RAC1: variants seen among roughly 807,000 people sequenced by gnomAD.
The protein encoded by RAC1 is Rac family small GTPase 1, also known as ras-related C3 botulinum toxin substrate 1.
RAC1 carries 2 observed loss-of-function variants against 25.2 expected under a neutral mutation model. The ratio of observed to expected loss-of-function variants is 0.08; its 90% CI spans 0.03 to 0.25. The LOEUF (loss-of-function observed/expected upper bound fraction) is 0.25, where lower values mean the gene tolerates loss of function less well. Among genes scored for constraint, RAC1 ranks in the 10% least tolerant of loss-of-function variants. RAC1 has a pLI of 1.00. For missense variants in RAC1, 50 were observed against 235.7 expected (o/e 0.21, Z 5.16); for synonymous variants, 88 against 94.0 (o/e 0.94, Z 0.37).
At chr7:6,379,418 T>G (rs866278) in intron 1 of RAC1, among the ~76,000 whole-genome samples, 93,291 of 151,544 alleles carry the variant, frequency 0.62, 30,518 homozygotes, top group East Asian at 0.91. Flanking sequence ...GGGATTACAG[T>G]CACGCTCCAC....
intron 2 of RAC1, among the ~76,000 whole-genome samples, chr7:6,389,638 C>T (rs988046661): frequency 2.0e-5 from 3 of 152,174 alleles, no homozygotes; most frequent in Non-Finnish European, 4.4e-5. Context: ...CAAGATTGTG[C>T]CTCTGCACTC....
chr7:6,394,479 C>T (rs1325820287), intron 3 of RAC1, among the ~76,000 whole-genome samples: 5 of 148,822 alleles, frequency 3.4e-5, no homozygotes, highest in African/African-American at 9.9e-5. Flanking sequence ...ATTTATTTGC[C>T]TGCTTGTACC....
At chr7:6,376,439 C>T (rs1484938000) in intron 1 of RAC1, among the ~76,000 whole-genome samples, 1 of 150,612 alleles carries the variant, frequency 6.6e-6, no homozygotes, top group Non-Finnish European at 1.5e-5. Context: ...CCGCCTGGGT[C>T]TCCCAGAGTG....
chr7:6,398,547 G>T, intron 3 of RAC1: 2 of 804,814 alleles, frequency 2.5e-6, no homozygotes, highest in Non-Finnish European at 4.1e-6. Context: ...GTATGCTTTT[G>T]GATCTCTCCG....
At chr7:6,398,091 C>T (rs148368014) in intron 3 of RAC1, among the ~76,000 whole-genome samples, 3 of 152,206 alleles carry the variant, frequency 2.0e-5, no homozygotes, top group African/African-American at 4.8e-5. Flanking sequence ...TAATGCAAGT[C>T]TGTACATTCA....
At chr7:6,384,449 G>A (rs1331120397) in intron 1 of RAC1, among the ~76,000 whole-genome samples, 1 of 152,170 alleles carries the variant, frequency 6.6e-6, no homozygotes, top group African/African-American at 2.4e-5. Flanking sequence ...TTAACAAGAA[G>A]AGGTAACGTA....
chr7:6,396,806 G>A (rs1027616538), intron 3 of RAC1, among the ~76,000 whole-genome samples: 5 of 152,076 alleles, frequency 3.3e-5, no homozygotes, highest in Admixed American at 6.5e-5. Context: ...CGAGGTGGGC[G>A]GATCACGAGG....
chr7:6,379,626 T>A (rs1782707966), intron 1 of RAC1, among the ~76,000 whole-genome samples: 1 of 152,214 alleles, frequency 6.6e-6, no homozygotes. Context: ...ACCAGGTTGG[T>A]TTCGAACTCC....
At chr7:6,391,729 T>G in intron 2 of RAC1, 195 bp from the exon 3 acceptor site, 1 of 627,582 alleles carries the variant, frequency 1.6e-6, no homozygotes, top group Non-Finnish European at 2.6e-6. Flanking sequence ...TCTCTTAAGT[T>G]TTGGGTTGGG....
chr7:6,386,405 G>C (rs903570302), intron 1 of RAC1, among the ~76,000 whole-genome samples: 1 of 152,112 alleles, frequency 6.6e-6, no homozygotes, highest in African/African-American at 2.4e-5. Flanking sequence ...GTAGGGATGT[G>C]GTGGGATTTT....
intron 3 of RAC1, among the ~76,000 whole-genome samples, chr7:6,398,335 G>A (rs1783304308): frequency 1.3e-5 from 2 of 152,152 alleles, no homozygotes; most frequent in South Asian, 2.1e-4. Context: ...TTGCGGTAAG[G>A]GACAGTGCAG....
At chr7:6,398,834 T>TCA (rs1280633925) in intron 3 of RAC1, 1 of 960,584 alleles carries the variant, frequency 1.0e-6, no homozygotes, top group African/African-American at 1.7e-5. Context: ...TATATTTAAT[T>TCA]CACTCAAGGT....
intron 2 of RAC1, among the ~76,000 whole-genome samples, chr7:6,390,740 C>A (rs1783070267): frequency 6.6e-6 from 1 of 151,834 alleles, no homozygotes; most frequent in Non-Finnish European, 1.5e-5. Context: ...AAATTTTTAT[C>A]TTTAATTCAT....
Position 6,402,329 on chromosome 7 carries a change from C to T in RAC1, c.462C>T (p.Tyr154=). 2 of 1,610,078 alleles carry T rather than the reference C, an allele frequency of 1.2e-6. No homozygotes were observed. The highest frequency in any genetic ancestry group is 1.7e-6 in the Non-Finnish European group (2 of 1,178,440). The change falls in exon 6 of 6, where the codon TAC becomes TAT. Residue 154 remains tyrosine, a synonymous_variant. Transcript: ENST00000348035. ...AMAKEIGAVK[Y]LECSALTQRG... ...TGTTTCCTGTAGGTGCTGTAAAATA[C>T]CTGGAGTGCTCGGCGCTCACACAGC...
At chr7:6,377,625 AC>A (rs1782645332) in intron 1 of RAC1, among the ~76,000 whole-genome samples, 1 of 151,882 alleles carries the variant, frequency 6.6e-6, no homozygotes, top group African/African-American at 2.4e-5. Flanking sequence ...TATTAGAGAT[AC>A]GTCTTTGGCC....
chr7:6,390,867 C>G (rs778246613), intron 2 of RAC1, among the ~76,000 whole-genome samples: 2 of 152,020 alleles, frequency 1.3e-5, no homozygotes, highest in Non-Finnish European at 2.9e-5. Flanking sequence ...ATATAATTAA[C>G]ATGTCCATCA....
chr7:6,392,302 C>T (rs702484), intron 3 of RAC1, among the ~76,000 whole-genome samples: 3 of 151,956 alleles, frequency 2.0e-5, no homozygotes, highest in Non-Finnish European at 2.9e-5. Flanking sequence ...TATGAAAGAG[C>T]TACTTTTTGT....
chr7:6,381,154 C>A (rs1048340002), intron 1 of RAC1, among the ~76,000 whole-genome samples: 4 of 152,218 alleles, frequency 2.6e-5, no homozygotes, highest in Admixed American at 6.6e-5. Flanking sequence ...AGGCGTCAGC[C>A]ACCATGCCCG....
chr7:6,376,980 C>G (rs999311277), intron 1 of RAC1, among the ~76,000 whole-genome samples: 1 of 151,924 alleles, frequency 6.6e-6, no homozygotes, highest in African/African-American at 2.4e-5. Flanking sequence ...CCCACCCCAC[C>G]GCTTACATGG....
Sources: gnomAD v4.1 joint callset for allele counts (sites outside exome capture counted in the v4.1 genomes callset) on GRCh38, gnomAD v4.1.1 for gene constraint, MANE v1.5 for transcripts, NCBI Gene and HGNC (gene_info 2026-07-23, HGNC 2026-07-21) for gene names.